Variants in KIAA0825 observed in about 807,000 individuals in gnomAD.
The protein encoded by KIAA0825 is uncharacterized protein KIAA0825.
In KIAA0825, 119 loss-of-function variants were observed where a neutral mutation model predicts 147.6. The ratio of observed to expected loss-of-function variants is 0.81; its 90% confidence interval spans 0.69 to 0.94. The LOEUF is 0.94. Ranked by LOEUF, KIAA0825 falls within the 40% of genes least tolerant of loss-of-function variation. The probability of loss-of-function intolerance (pLI) is 0.00; values close to 1 mark genes in which losing one functional copy is unlikely to be tolerated. For missense variants in KIAA0825, 1,381 were observed against 1,472.7 expected, an observed-to-expected ratio of 0.94 and a Z score of 1.02; for synonymous variants, 470 against 518.1, an observed-to-expected ratio of 0.91 and a Z score of 1.26.
At chr5:94,553,540 C>T (rs1392878009) in intron 2 of KIAA0825, among the ~76,000 whole-genome samples, 3 of 150,370 alleles carry the variant, frequency 2.0e-5, no homozygotes, top group Admixed American at 6.6e-5. Flanking sequence ...CAAGGCGGGT[C>T]GATCACCTGA....
intron 20 of KIAA0825, among the ~76,000 whole-genome samples, chr5:94,221,053 A>G (rs2150063986): frequency 6.6e-6 from 1 of 152,298 alleles, no homozygotes; most frequent in South Asian, 2.1e-4. Flanking sequence ...CATTCAAGCC[A>G]GGTTGTCAGA....
chr5:94,553,942 C>T (rs1584872995), intron 2 of KIAA0825, among the ~76,000 whole-genome samples: 1 of 152,284 alleles, frequency 6.6e-6, no homozygotes, highest in East Asian at 1.9e-4. Flanking sequence ...TTTTGTTCAT[C>T]AATACTACCA....
rs143519585 is a variant in KIAA0825, at chr5:94,580,316, C to T, written c.-2+2117G>A. 2.0e-3 allele frequency among the ~76,000 whole-genome samples: 310 copies of T among 152,258 alleles called. 2 individuals carry two copies. The highest frequency in any genetic ancestry group is 7.3e-3 in the African/African-American group (302 of 41,552). On this transcript the variant is annotated intron_variant, in intron 2 of 20. Transcript: ENST00000682413. The stretch of plus-strand genomic sequence containing the variant: ...AAGAAAAAGTCAATAAATAATTTGC[C>T]TATCCTTTTATCTTTTATTTTTCCA...
chr5:94,546,792 CAAAAAAAAAA>C (rs372542896), intron 2 of KIAA0825, among the ~76,000 whole-genome samples: 5 of 49,654 alleles, frequency 1.0e-4, no homozygotes, highest in African/African-American at 4.4e-4. Flanking sequence ...GTCCAGGCAC[CAAAAAAAAAA>C]AAAAAAAAAA....
intron 20 of KIAA0825, among the ~76,000 whole-genome samples, chr5:94,167,852 A>G (rs1235758296): frequency 1.3e-5 from 2 of 151,914 alleles, no homozygotes; most frequent in Admixed American, 1.3e-4. Context: ...GTTACAAAAC[A>G]TAGGCTTTTC....
intron 20 of KIAA0825, among the ~76,000 whole-genome samples, chr5:94,350,384 T>C (rs976289213): frequency 3.9e-5 from 6 of 152,166 alleles, no homozygotes; most frequent in African/African-American, 1.4e-4. Context: ...CTTTTGACAC[T>C]ATTCCACAAG....
chr5:94,323,666 C>T (rs1296746558), intron 20 of KIAA0825, among the ~76,000 whole-genome samples: 1 of 151,744 alleles, frequency 6.6e-6, no homozygotes, highest in Non-Finnish European at 1.5e-5. Flanking sequence ...TTTAGATTTC[C>T]AATCCGATTC....
intron 20 of KIAA0825, among the ~76,000 whole-genome samples, chr5:94,333,609 A>G (rs113668346): frequency 0.023 from 3,512 of 152,266 alleles, 154 homozygotes; most frequent in African/African-American, 0.081. Context: ...TACCAGGACC[A>G]TGCTGTCTTG....
chr5:94,368,916 T>G (rs1355566161), intron 20 of KIAA0825, among the ~76,000 whole-genome samples: 1 of 152,052 alleles, frequency 6.6e-6, no homozygotes, highest in East Asian at 1.9e-4. Flanking sequence ...ACCTGTAATC[T>G]CAGCACTTTG....
At chr5:94,155,746 T>G (rs1312817531) in intron 20 of KIAA0825, among the ~76,000 whole-genome samples, 1 of 152,222 alleles carries the variant, frequency 6.6e-6, no homozygotes, top group Non-Finnish European at 1.5e-5. Flanking sequence ...CTGCTATTTT[T>G]GGCTGCCTTA....
chr5:94,250,614 T>C (rs990778682), intron 20 of KIAA0825, among the ~76,000 whole-genome samples: 1 of 152,136 alleles, frequency 6.6e-6, no homozygotes, highest in African/African-American at 2.4e-5. Context: ...TCCTGCAACA[T>C]ACTAATTTAA....
chr5:94,322,030 A>T (rs1780240023), intron 20 of KIAA0825, among the ~76,000 whole-genome samples: 1 of 151,988 alleles, frequency 6.6e-6, no homozygotes, highest in Admixed American at 6.6e-5. Flanking sequence ...GGCCACACAA[A>T]AATTTCAAGA....
chr5:94,521,821 T>C (rs1196283117), intron 4 of KIAA0825, among the ~76,000 whole-genome samples: 4 of 151,652 alleles, frequency 2.6e-5, no homozygotes, highest in Non-Finnish European at 5.9e-5. Flanking sequence ...ATTCTCTAGG[T>C]AGAAACAAGC....
chr5:94,547,719 A>G (rs1774702793), intron 2 of KIAA0825, among the ~76,000 whole-genome samples: 1 of 116,420 alleles, frequency 8.6e-6, no homozygotes, highest in Non-Finnish European at 1.7e-5. Flanking sequence ...CCTGCACGAC[A>G]GGGTAAGACT....
chr5:94,190,483 G>A (rs1000409243), intron 20 of KIAA0825, among the ~76,000 whole-genome samples: 3 of 145,578 alleles, frequency 2.1e-5, no homozygotes, highest in Non-Finnish European at 4.5e-5. Context: ...CCGCCACCAC[G>A]CCCAGCTATT....
intron 20 of KIAA0825, among the ~76,000 whole-genome samples, chr5:94,248,511 C>A (rs532768001): frequency 6.6e-6 from 1 of 152,220 alleles, no homozygotes; most frequent in African/African-American, 2.4e-5. Flanking sequence ...AGCTCTGTAA[C>A]CTGTTGCAAG....
At chr5:94,587,551 C>A (rs142364013) in intron 1 of KIAA0825, among the ~76,000 whole-genome samples, 2 of 152,098 alleles carry the variant, frequency 1.3e-5, no homozygotes. Context: ...AGAGAGAACA[C>A]AAACAAATGG....
intron 20 of KIAA0825, among the ~76,000 whole-genome samples, chr5:94,286,160 G>A (rs1257613231): frequency 6.6e-6 from 1 of 152,102 alleles, no homozygotes; most frequent in Non-Finnish European, 1.5e-5. Context: ...GTCAAACCAA[G>A]CAAAAATATT....
At chr5:94,361,773 AC>A (rs1200175569) in intron 20 of KIAA0825, among the ~76,000 whole-genome samples, 1 of 152,082 alleles carries the variant, frequency 6.6e-6, no homozygotes, top group Non-Finnish European at 1.5e-5. Flanking sequence ...TTCCTCAGAA[AC>A]CCTTGGGGTC....
Sources: allele counts gnomAD v4.1 joint callset (sites outside exome capture counted in the v4.1 genomes callset), GRCh38; gene constraint gnomAD v4.1.1; transcripts MANE v1.5; gene names NCBI Gene and HGNC (gene_info 2026-07-23, HGNC 2026-07-21).